The following STK3 variants were observed in gnomAD, a reference collection of about 807,000 sequenced individuals.
STK3 encodes serine/threonine kinase 3.
In STK3, 41 loss-of-function variants were observed where a neutral mutation model predicts 58.0. The ratio of observed to expected loss-of-function variants is 0.71; its 90% CI spans 0.55 to 0.92. The LOEUF is 0.92. Ranked by LOEUF, STK3 falls within the 40% of genes least tolerant of loss-of-function variation. The pLI is 0.00. For synonymous variants in STK3, 170 were observed against 191.0 expected, an observed-to-expected ratio of 0.89 and a Z score of 0.91; for missense variants, 479 against 602.7, an observed-to-expected ratio of 0.79 and a Z score of 2.15.
intron 1 of STK3, chr8:98,438,376 T>C (rs1818568054): frequency 6.6e-6 from 1 of 152,208 alleles, no homozygotes; most frequent in African/African-American, 2.4e-5. Context: ...AGGGAAGAGC[T>C]TGATGCCTAG....
chr8:98,941,604 A>G lies in STK3; in HGVS notation c.-79+774T>C, dbSNP rs942531824. On this transcript the variant is annotated intron_variant, in intron 1 of 1. Coordinates refer to the STK3 transcript ENST00000519420. ...TCCGAGTGGGAGAGGCTGAGAGTCA[A>G]CTCCAGGGAAGTCTGTGTCTGACAC... 3.3e-5 allele frequency among the ~76,000 whole-genome samples: 5 copies of G among 152,122 alleles called. No homozygotes were observed. In the South Asian group the frequency reaches 8.3e-4, roughly 25 times the overall value.
intron 6 of STK3, among the ~76,000 whole-genome samples, chr8:98,659,579 A>G (rs1011355709): frequency 1.3e-5 from 2 of 151,840 alleles, no homozygotes; most frequent in African/African-American, 4.8e-5. Flanking sequence ...ACAAGCCTTG[A>G]GGCAGCATTA....
chr8:98,629,578 C>T (rs1445540690), intron 6 of STK3, among the ~76,000 whole-genome samples: 1 of 152,014 alleles, frequency 6.6e-6, no homozygotes, highest in Non-Finnish European at 1.5e-5. Flanking sequence ...AAAATAAATG[C>T]TAGGGAGGAA....
At chr8:98,708,405 C>T (rs1051787449) in intron 4 of STK3, among the ~76,000 whole-genome samples, 2 of 152,098 alleles carry the variant, frequency 1.3e-5, no homozygotes. Flanking sequence ...CGAGAAGCTC[C>T]TACACCAATG....
chr8:98,889,051 A>G (rs1378957144), intron 1 of STK3, among the ~76,000 whole-genome samples: 1 of 152,202 alleles, frequency 6.6e-6, no homozygotes, highest in Non-Finnish European at 1.5e-5. Flanking sequence ...GGCCAGCCCA[A>G]TATAACTTAA....
intron 6 of STK3, among the ~76,000 whole-genome samples, chr8:98,672,924 T>C (rs778679162): frequency 1.3e-5 from 2 of 152,284 alleles, no homozygotes; most frequent in South Asian, 2.1e-4. Context: ...CATATAATTA[T>C]TGTGAAATAC....
At position 98,905,518 on chromosome 8, in the gene STK3, T is replaced by C. The variant is rs1838862876; in HGVS notation, c.-78-21684A>G. The C allele has an allele frequency of 2.9e-5, 32 of 1,115,050 alleles. No individual in the cohort carries two copies. The South Asian group carries it at 3.7e-4, about 13-fold the overall frequency. 69.1% of individuals were successfully genotyped at this position (1,115,050 alleles called of 1,614,324 possible). A position where few individuals can be genotyped will look rare whatever the true frequency, so the allele number is the denominator to read the frequency against. ...AGCTTGTAATGATGCAAGTTGTGTA[T>C]GGTATCCTCAGCCGCCGTCTTGTCT... On this transcript the variant is annotated intron_variant, in intron 1 of 1. Coordinates refer to the STK3 transcript ENST00000519420.
intron 1 of STK3, among the ~76,000 whole-genome samples, chr8:98,933,505 G>T (rs1397826398): frequency 6.6e-6 from 1 of 152,104 alleles, no homozygotes; most frequent in Non-Finnish European, 1.5e-5. Context: ...GGAGTCAAAA[G>T]AATTGAATTA....
chr8:98,779,570 G>A (rs1307596818), intron 1 of STK3, among the ~76,000 whole-genome samples: 1 of 152,050 alleles, frequency 6.6e-6, no homozygotes, highest in Non-Finnish European at 1.5e-5. Flanking sequence ...ATGTGTATAA[G>A]GTAGATACAA....
rs10528436 is a variant in STK3, at chr8:98,568,063, TGATAGATAGATA to T, written c.948+11589_948+11600del. Among the ~76,000 whole-genome samples the T allele has an allele frequency of 2.7e-3, 397 of 146,578 alleles. 5 individuals are homozygous for T. In the East Asian group the frequency reaches 0.033, roughly 12 times the overall value. On this transcript the variant is annotated intron_variant, in intron 8 of 10. Transcript: ENST00000419617. The stretch of plus-strand genomic sequence containing the variant: ...GCAGAGTGAGACTGTCTTAGATAGA[TGATAGATAGATA>T]GATAGATAGATAGATAGATAGATAG...
chr8:98,537,733 C>T (rs1378348011), intron 9 of STK3, among the ~76,000 whole-genome samples: 1 of 151,982 alleles, frequency 6.6e-6, no homozygotes, highest in African/African-American at 2.4e-5. Flanking sequence ...CAATTTTGGC[C>T]CTAATTCCTT....
intron 8 of STK3, among the ~76,000 whole-genome samples, chr8:98,555,541 A>C (rs1043770587): frequency 1.3e-5 from 2 of 152,158 alleles, no homozygotes; most frequent in Admixed American, 6.6e-5. Flanking sequence ...TTTATTGCAC[A>C]TGCAATCACA....
At chr8:98,564,398 T>C (rs1812303812) in intron 8 of STK3, among the ~76,000 whole-genome samples, 1 of 152,064 alleles carries the variant, frequency 6.6e-6, no homozygotes, top group Non-Finnish European at 1.5e-5. Flanking sequence ...CATGTGAAAT[T>C]AGCCAAGCAC....
intron 10 of STK3, among the ~76,000 whole-genome samples, chr8:98,513,971 C>T (rs963422454): frequency 1.3e-5 from 2 of 152,178 alleles, no homozygotes; most frequent in African/African-American, 4.8e-5. Context: ...CATATTCCAA[C>T]CACATGAACA....
chr8:98,909,323 T>A (rs1839044290), intron 1 of STK3, among the ~76,000 whole-genome samples: 1 of 152,242 alleles, frequency 6.6e-6, no homozygotes, highest in Admixed American at 6.5e-5. Context: ...GATAATCATA[T>A]TTTATCGACA....
At chr8:98,703,177 A>C (rs192940997) in intron 6 of STK3, among the ~76,000 whole-genome samples, 77 of 152,226 alleles carry the variant, frequency 5.1e-4, no homozygotes, top group African/African-American at 1.7e-3. Context: ...ATGGTTTTAA[A>C]ATGTCTTATT....
chr8:98,850,674 G>A (rs1205094236), intron 3 of STK3, among the ~76,000 whole-genome samples: 1 of 152,200 alleles, frequency 6.6e-6, no homozygotes, highest in African/African-American at 2.4e-5. Context: ...TCATGAAAGA[G>A]GAACACCAGT....
At chr8:98,529,128 T>C (rs1333058193) in intron 9 of STK3, among the ~76,000 whole-genome samples, 1 of 152,188 alleles carries the variant, frequency 6.6e-6, no homozygotes, top group African/African-American at 2.4e-5. Context: ...TAAGTAACAA[T>C]GTTAGTTGGG....
intron 6 of STK3, among the ~76,000 whole-genome samples, chr8:98,600,803 C>A (rs1360531036): frequency 6.6e-6 from 1 of 151,896 alleles, no homozygotes; most frequent in Non-Finnish European, 1.5e-5. Flanking sequence ...GCCATAAAAA[C>A]TGACAAATGT....
Sources: gnomAD v4.1 joint callset for allele counts (sites outside exome capture counted in the v4.1 genomes callset) on GRCh38, gnomAD v4.1.1 for gene constraint, MANE v1.5 for transcripts, NCBI Gene and HGNC (gene_info 2026-07-23, HGNC 2026-07-21) for gene names.